DPYD: variants seen among roughly 807,000 people sequenced by gnomAD.
DPYD encodes dihydropyrimidine dehydrogenase.
Under a neutral mutation model 116.2 loss-of-function variants are expected in DPYD, and 109 were observed. The observed-to-expected ratio is 0.94, with a 90% CI of 0.80 to 1.10. The LOEUF is 1.10. Ranked by LOEUF, DPYD falls within the 50% of genes least tolerant of loss-of-function variation. The pLI is 0.00. For missense variants in DPYD, 1,302 were observed against 1,254.5 expected (o/e 1.04, Z -0.57); for synonymous variants, 440 against 432.0 (o/e 1.02, Z -0.23).
chr1:97,674,392 A>G (rs573851989), intron 8 of DPYD, among the ~76,000 whole-genome samples: 1 of 152,312 alleles, frequency 6.6e-6, no homozygotes, highest in Admixed American at 6.5e-5. Flanking sequence ...ATTCAAAGAA[A>G]GAAAAACTTG....
At chr1:97,913,042 T>A (rs1026783518) in intron 1 of DPYD, among the ~76,000 whole-genome samples, 2 of 152,096 alleles carry the variant, frequency 1.3e-5, no homozygotes, top group African/African-American at 4.8e-5. Flanking sequence ...GAATCTCTGG[T>A]CTTAATTTCT....
At chr1:97,281,557 CCAAT>C (rs759527736) in intron 18 of DPYD, among the ~76,000 whole-genome samples, 3 of 125,892 alleles carry the variant, frequency 2.4e-5, no homozygotes, top group Admixed American at 7.5e-5. Flanking sequence ...AATTTTATAC[CCAAT>C]CAAATTATTA....
chr1:97,374,057 T>C (rs1258878537), intron 15 of DPYD, among the ~76,000 whole-genome samples: 1 of 152,222 alleles, frequency 6.6e-6, no homozygotes, highest in Admixed American at 6.5e-5. Context: ...TATTCCTTCC[T>C]AAATAGCTTC....
chr1:97,719,758 T>C lies in DPYD; in HGVS notation c.483+1752A>G, dbSNP rs147207241. ...CAAAAAAAAGGACAAAAAGCTTTTC[T>C]CAGTAGTTCCCACGAGGACATTTTT... On this transcript the variant is annotated intron_variant, in intron 5 of 22. Transcript: ENST00000370192. 1.0e-5 allele frequency: 10 copies of C among 985,124 alleles called. No individual in the cohort carries two copies. The East Asian group carries it at 4.5e-4, about 45-fold the overall frequency. 61.0% of individuals were successfully genotyped at this position (985,124 alleles called of 1,614,324 possible).
At chr1:97,916,426 G>A (rs902997400) in intron 1 of DPYD, among the ~76,000 whole-genome samples, 6 of 152,030 alleles carry the variant, frequency 3.9e-5, no homozygotes, top group East Asian at 1.9e-4. Context: ...GAGAACATGC[G>A]GTGTTTGGTT....
At chr1:97,798,180 G>A (rs1667672095) in intron 3 of DPYD, 2 of 152,106 alleles carry the variant, frequency 1.3e-5, no homozygotes, top group South Asian at 4.2e-4. Flanking sequence ...ACAAGAATAT[G>A]GTCCTAACCT....
At chr1:97,552,615 C>A (rs1333044817) in intron 11 of DPYD, among the ~76,000 whole-genome samples, 6 of 151,984 alleles carry the variant, frequency 3.9e-5, no homozygotes, top group Non-Finnish European at 8.8e-5. Context: ...AATAAGCTTT[C>A]TTTCCTTAAT....
At chr1:97,150,118 C>T (rs1292270473) in intron 20 of DPYD, among the ~76,000 whole-genome samples, 1 of 152,122 alleles carries the variant, frequency 6.6e-6, no homozygotes, top group Non-Finnish European at 1.5e-5. Flanking sequence ...GAACGCTGTT[C>T]CCTGGCTCCT....
At chr1:97,536,369 C>G (rs935306717) in intron 12 of DPYD, among the ~76,000 whole-genome samples, 7 of 152,126 alleles carry the variant, frequency 4.6e-5, no homozygotes, top group Non-Finnish European at 8.8e-5. Flanking sequence ...TCTCTTAACA[C>G]AGGAATAAAA....
At chr1:97,300,197 C>T (rs1171122590) in intron 18 of DPYD, among the ~76,000 whole-genome samples, 1 of 151,546 alleles carries the variant, frequency 6.6e-6, no homozygotes, top group Non-Finnish European at 1.5e-5. Context: ...TTTGTCCATA[C>T]AAAAAAAGGA....
intron 21 of DPYD, among the ~76,000 whole-genome samples, chr1:97,087,183 C>T (rs1242401083): frequency 2.6e-5 from 4 of 152,188 alleles, no homozygotes; most frequent in Non-Finnish European, 5.9e-5. Context: ...ACTTCCCCTA[C>T]AACATCCACC....
intron 2 of DPYD, among the ~76,000 whole-genome samples, chr1:97,834,131 C>T (rs1393297987): frequency 6.6e-6 from 1 of 151,956 alleles, no homozygotes; most frequent in Non-Finnish European, 1.5e-5. Flanking sequence ...GTCCAAGAAC[C>T]TTGTGAAACA....
At chr1:97,603,121 T>C (rs918501771) in intron 8 of DPYD, among the ~76,000 whole-genome samples, 5 of 152,000 alleles carry the variant, frequency 3.3e-5, no homozygotes, top group African/African-American at 1.2e-4. Flanking sequence ...AATCCCCGCA[T>C]TGTGAAGTAA....
chr1:97,514,866 T>C (rs1313857921), intron 13 of DPYD, among the ~76,000 whole-genome samples: 1 of 151,890 alleles, frequency 6.6e-6, no homozygotes, highest in Admixed American at 6.6e-5. Context: ...GAGAATGTGC[T>C]TAATGGGGCA....
intron 12 of DPYD, among the ~76,000 whole-genome samples, chr1:97,528,466 C>A (rs1292288164): frequency 6.6e-6 from 1 of 152,088 alleles, no homozygotes; most frequent in East Asian, 1.9e-4. Flanking sequence ...GTCAGCATAT[C>A]TGGACTCTGA....
intron 2 of DPYD, among the ~76,000 whole-genome samples, chr1:97,871,310 T>TC (rs1294183887): frequency 6.6e-6 from 1 of 151,886 alleles, no homozygotes; most frequent in African/African-American, 2.4e-5. Flanking sequence ...TTGGATCCCT[T>TC]CTCAATATTC....
At chr1:97,575,995 A>C (rs1653237092) in intron 10 of DPYD, among the ~76,000 whole-genome samples, 1 of 152,190 alleles carries the variant, frequency 6.6e-6, no homozygotes, top group Non-Finnish European at 1.5e-5. Context: ...TGGCCCAATA[A>C]CAAAGGTTAG....
intron 3 of DPYD, among the ~76,000 whole-genome samples, chr1:97,814,928 GAGAGGAAA>G (rs1253923907): frequency 2.7e-5 from 3 of 110,472 alleles, no homozygotes; most frequent in Non-Finnish European, 5.5e-5. Flanking sequence ...AAAAGAAAGA[GAGAGGAAA>G]GAAAGAAAGA....
At chr1:97,712,777 T>C (rs189805693) in intron 5 of DPYD, among the ~76,000 whole-genome samples, 1 of 152,220 alleles carries the variant, frequency 6.6e-6, no homozygotes, top group Admixed American at 6.6e-5. Flanking sequence ...CACTGTACCA[T>C]AGACACATGC....
Sources: allele counts gnomAD v4.1 joint callset (sites outside exome capture counted in the v4.1 genomes callset), GRCh38; gene constraint gnomAD v4.1.1; transcripts MANE v1.5; gene names NCBI Gene and HGNC (gene_info 2026-07-23, HGNC 2026-07-21).